The following VPS45 variants were observed in gnomAD, a reference collection of about 807,000 sequenced individuals.
VPS45 encodes vacuolar protein sorting-associated protein 45.
VPS45 carries 35 observed loss-of-function variants against 75.9 expected under a neutral mutation model. That is an observed-to-expected ratio of 0.46 (90% CI 0.35 to 0.61). VPS45 has a LOEUF of 0.61. Among genes scored for constraint, VPS45 ranks in the 20% least tolerant of loss-of-function variants. The pLI is 0.00. For synonymous variants in VPS45, 220 were observed against 238.2 expected, an observed-to-expected ratio of 0.92 and a Z score of 0.70; for missense variants, 559 against 685.9, an observed-to-expected ratio of 0.81 and a Z score of 2.07.
chr1:150,114,589 A>AAG (rs1657823866), intron 14 of VPS45, among the ~76,000 whole-genome samples: 1 of 28 alleles, frequency 0.036, no homozygotes, highest in South Asian at 0.25. Flanking sequence ...TAAAAAAAAA[A>AAG]AAAAGGTAAA....
intron 14 of VPS45, 102 bp downstream of exon 14, chr1:150,110,729 C>T (rs1172318397): frequency 1.5e-5 from 18 of 1,185,106 alleles, no homozygotes; most frequent in Non-Finnish European, 1.8e-5. Context: ...CACCAAACTG[C>T]TGTAGACTGA....
In VPS45 at chr1:150,144,722, G is replaced by T. The variant is rs1553816146; in HGVS notation, c.1639G>T (p.Val547Phe). The T allele has an allele frequency of 1.9e-6, 3 of 1,612,746 alleles. No individual in the cohort carries two copies. In the South Asian group the frequency reaches 3.3e-5, roughly 18 times the overall value. ...ACTACTTATCAGTTTCCTAGAGGAAGTTCTGGCTTCTGGACTGCACAGCCG... is the reference window on the plus strand; with the variant it reads ...ACTACTTATCAGTTTCCTAGAGGAATTTCTGGCTTCTGGACTGCACAGCCG... ...VHNTKSFLEE[V>F]LASGLHSRSK... Residue 547 changes from valine to phenylalanine, a missense_variant, in exon 15 of 15, where the codon GTT becomes TTT. Coordinates refer to ENST00000644510, the MANE Select transcript of VPS45 (RefSeq NM_007259.5).
At position 150,075,484 on chromosome 1, in the gene VPS45, T is replaced by C. The variant is rs587689386; in HGVS notation, c.290-749T>C. On this transcript the variant is annotated intron_variant, in intron 3 of 14. Transcript: ENST00000644510. Reference sequence around the variant, plus strand: ...TTATAGGTGGTATTGTGTGCTTTCATTGGCTGCTTATTCTTTTGATATTAG... The same window carrying C: ...TTATAGGTGGTATTGTGTGCTTTCACTGGCTGCTTATTCTTTTGATATTAG... 7.2e-5 allele frequency among the ~76,000 whole-genome samples: 11 copies of C among 152,298 alleles called. No homozygotes were observed. In the East Asian group the frequency reaches 1.7e-3, roughly 24 times the overall value.
chr1:150,075,729 A>C (rs1655335824), intron 3 of VPS45, among the ~76,000 whole-genome samples: 1 of 152,088 alleles, frequency 6.6e-6, no homozygotes, highest in African/African-American at 2.4e-5. Context: ...TTTTCAATAA[A>C]ATGACTTACT....
At chr1:150,090,094 A>G (rs1553801632) in intron 10 of VPS45, among the ~76,000 whole-genome samples, 1 of 152,248 alleles carries the variant, frequency 6.6e-6, no homozygotes, top group Non-Finnish European at 1.5e-5. Flanking sequence ...ACGTGAAAGC[A>G]TTTTGTAAGT....
intron 7 of VPS45, among the ~76,000 whole-genome samples, chr1:150,080,149 G>GT (rs869177411): frequency 0.95 from 137,878 of 145,436 alleles, 65,727 homozygotes; most frequent in Non-Finnish European, 0.99. Context: ...TTTGTTGTAC[G>GT]TTTTTTTTTT....
At chr1:150,115,330 C>A (rs924543484) in intron 14 of VPS45, among the ~76,000 whole-genome samples, 1 of 152,146 alleles carries the variant, frequency 6.6e-6, no homozygotes. Flanking sequence ...AATTTGTCTA[C>A]TAAGTCCACT....
chr1:150,077,449 T>C (rs2101520861), intron 6 of VPS45: 1 of 740,322 alleles, frequency 1.4e-6, no homozygotes, highest in South Asian at 2.0e-5. Context: ...CTATTTAACT[T>C]TTTTTGGTCC....
intron 14 of VPS45, among the ~76,000 whole-genome samples, chr1:150,120,243 C>G (rs1289097764): frequency 6.6e-6 from 1 of 152,108 alleles, no homozygotes; most frequent in Non-Finnish European, 1.5e-5. Flanking sequence ...TCTCCTGCAT[C>G]CCAGAAAATA....
intron 14 of VPS45, among the ~76,000 whole-genome samples, chr1:150,114,609 G>A (rs1244246314): frequency 6.8e-6 from 1 of 146,288 alleles, no homozygotes; most frequent in African/African-American, 2.5e-5. Flanking sequence ...AATTAGCTGG[G>A]CATGGACTAG....
At chr1:150,101,631 G>A (rs1553804355) in intron 13 of VPS45, among the ~76,000 whole-genome samples, 4 of 152,028 alleles carry the variant, frequency 2.6e-5, no homozygotes, top group African/African-American at 9.7e-5. Flanking sequence ...CTACTCGGGA[G>A]GCAGAGGCAG....
intron 13 of VPS45, among the ~76,000 whole-genome samples, chr1:150,108,010 C>CA (rs782720597): frequency 1.4e-4 from 22 of 152,278 alleles, no homozygotes; most frequent in Non-Finnish European, 2.6e-4. Context: ...ACTATGTCCC[C>CA]AACTTCACTT....
intron 14 of VPS45, among the ~76,000 whole-genome samples, chr1:150,118,461 A>G (rs1658059908): frequency 6.6e-6 from 1 of 151,464 alleles, no homozygotes; most frequent in African/African-American, 2.4e-5. Flanking sequence ...GCTGGAGTGC[A>G]GTGGTTTGAT....
At position 150,067,940 on chromosome 1, in the gene VPS45, A is replaced by G. The variant is rs782301260; in HGVS notation, c.83A>G (p.Asp28Gly). 1 of 1,614,190 alleles carries G rather than the reference A, an allele frequency of 6.2e-7. No individual in the cohort carries two copies. Among genetic ancestry groups the G allele is most frequent in the Non-Finnish European group, 8.5e-7 (1 of 1,179,994 alleles). ...SGPGMKVLLMDKETTGIVSMV... is the reference protein window; with the variant it reads ...SGPGMKVLLMGKETTGIVSMV... Reference sequence around the variant, plus strand: ...CCTGGTATGAAAGTACTTCTCATGGATAAAGAGACGGTGAGTTTGCTTTTG... The same window carrying G: ...CCTGGTATGAAAGTACTTCTCATGGGTAAAGAGACGGTGAGTTTGCTTTTG... The change falls in exon 1 of 15, where the codon GAT (aspartate) becomes GGT (glycine). Residue 28 changes from aspartate to glycine, a missense_variant. By Grantham distance (94) the Asp-to-Gly change is moderately conservative. Transcript: ENST00000644510.
intron 13 of VPS45, among the ~76,000 whole-genome samples, chr1:150,102,209 G>A (rs1333066208): frequency 1.5e-5 from 2 of 130,406 alleles, no homozygotes; most frequent in Non-Finnish European, 3.1e-5. Context: ...CTGCACTCCA[G>A]CCTGGGCGAC....
intron 14 of VPS45, among the ~76,000 whole-genome samples, chr1:150,143,680 G>GTC (rs1659528964): frequency 6.6e-6 from 1 of 152,116 alleles, no homozygotes; most frequent in African/African-American, 2.4e-5. Flanking sequence ...CTCATGACGT[G>GTC]TTTAGGAACA....
At position 150,082,863 on chromosome 1, in the gene VPS45, G is replaced by T; in HGVS notation, c.1084G>T (p.Asp362Tyr). The change falls in exon 10 of 15, where the codon GAC (aspartate) becomes TAC (tyrosine). Residue 362 changes from aspartate (D) to tyrosine (Y), a missense_variant. Asp to Tyr is a radical substitution (Grantham distance 160, BLOSUM62 -3). Coordinates refer to ENST00000644510, the MANE Select transcript of VPS45 (RefSeq NM_007259.5). ...EVEQELACQNDHSSALQNIKR... is the reference protein window; with the variant it reads ...EVEQELACQNYHSSALQNIKR... The stretch of plus-strand genomic sequence containing the variant: ...TGAGCAAGAACTGGCCTGTCAAAAT[G>T]ACCATTCTAGTGCTCTCCAGGTCAG... The T allele has an allele frequency of 6.2e-7, 1 of 1,614,016 alleles. No homozygotes were observed. Among genetic ancestry groups the T allele is most frequent in the Non-Finnish European group, 8.5e-7 (1 of 1,179,978 alleles).
At chr1:150,141,409 A>G (rs782691692) in intron 14 of VPS45, among the ~76,000 whole-genome samples, 3 of 152,194 alleles carry the variant, frequency 2.0e-5, no homozygotes, top group Admixed American at 1.3e-4. Context: ...ACACACACAT[A>G]GTTTTTGTTA....
chr1:150,076,755 C>T (rs1266670462), intron 4 of VPS45, 161 bp from the exon 5 acceptor site: 9 of 668,964 alleles, frequency 1.3e-5, no homozygotes, highest in South Asian at 3.8e-5. Context: ...AATTCTCCCA[C>T]GTTGACTGTT....
Sources: allele counts gnomAD v4.1 joint callset (sites outside exome capture counted in the v4.1 genomes callset), GRCh38; gene constraint gnomAD v4.1.1; transcripts MANE v1.5; gene names NCBI Gene and HGNC (gene_info 2026-07-23, HGNC 2026-07-21).